The following GNA14 variants were observed in gnomAD, a reference collection of about 807,000 sequenced individuals.
GNA14 encodes the protein guanine nucleotide-binding protein subunit alpha-14.
In GNA14, 50 loss-of-function variants were observed where a neutral mutation model predicts 42.0. The ratio of observed to expected loss-of-function variants is 1.19; its 90% CI spans 0.95 to 1.51. The LOEUF (loss-of-function observed/expected upper bound fraction) is 1.51. GNA14 is among the 40% of genes most tolerant of loss of function. The probability of loss-of-function intolerance (pLI) is 0.00; values close to 1 mark genes in which losing one functional copy is unlikely to be tolerated. For missense variants in GNA14, 473 were observed against 446.2 expected, an observed-to-expected ratio of 1.06 and a Z score of -0.54; for synonymous variants, 173 against 163.1, an observed-to-expected ratio of 1.06 and a Z score of -0.46.
At chr9:77,501,979 T>C (rs1364207193) in intron 2 of GNA14, among the ~76,000 whole-genome samples, 1 of 152,186 alleles carries the variant, frequency 6.6e-6, no homozygotes, top group Non-Finnish European at 1.5e-5. Context: ...AGTGCTGGGA[T>C]TACAGGCGTG....
At chr9:77,442,371 CAA>C (rs1389149245) in intron 2 of GNA14, among the ~76,000 whole-genome samples, 1 of 151,878 alleles carries the variant, frequency 6.6e-6, no homozygotes, top group African/African-American at 2.4e-5. Context: ...GACTATGTCT[CAA>C]AAAAAGAAAG....
intron 2 of GNA14, among the ~76,000 whole-genome samples, chr9:77,505,591 T>C (rs1265065810): frequency 1.3e-5 from 2 of 152,180 alleles, no homozygotes; most frequent in South Asian, 2.1e-4. Context: ...GGTGAATGAA[T>C]GAACGAACTA....
At chr9:77,602,704 T>G (rs1823586578) in intron 1 of GNA14, among the ~76,000 whole-genome samples, 1 of 152,162 alleles carries the variant, frequency 6.6e-6, no homozygotes, top group African/African-American at 2.4e-5. Context: ...TATTAATGGT[T>G]TTGTTTTTTT....
At chr9:77,452,111 G>A (rs976800849) in intron 2 of GNA14, among the ~76,000 whole-genome samples, 4 of 152,166 alleles carry the variant, frequency 2.6e-5, no homozygotes, top group Non-Finnish European at 5.9e-5. Context: ...AGGCTGGACT[G>A]CTTGATCCAG....
At chr9:77,629,673 GAAT>G (rs1303524209) in intron 1 of GNA14, among the ~76,000 whole-genome samples, 1 of 152,190 alleles carries the variant, frequency 6.6e-6, no homozygotes, top group East Asian at 1.9e-4. Flanking sequence ...AGTGGGAACT[GAAT>G]AATGATAACA....
At chr9:77,543,822 A>G (rs1040430934) in intron 1 of GNA14, among the ~76,000 whole-genome samples, 2 of 151,844 alleles carry the variant, frequency 1.3e-5, no homozygotes. Flanking sequence ...TCTACTTGCT[A>G]TTTTGGTTCC....
At chr9:77,607,853 T>A (rs1823663818) in intron 1 of GNA14, among the ~76,000 whole-genome samples, 1 of 152,038 alleles carries the variant, frequency 6.6e-6, no homozygotes, top group Non-Finnish European at 1.5e-5. Flanking sequence ...CTCATAAGGG[T>A]GCTAATCTCA....
intron 1 of GNA14, among the ~76,000 whole-genome samples, chr9:77,607,951 G>T (rs1406166340): frequency 6.6e-6 from 1 of 152,114 alleles, no homozygotes; most frequent in African/African-American, 2.4e-5. Flanking sequence ...GAGGGTTAAG[G>T]CTTCAAAACA....
chr9:77,434,486 T>C lies in GNA14; in HGVS notation c.346A>G (p.Lys116Glu). 1 of 1,613,970 alleles carries C rather than the reference T, an allele frequency of 6.2e-7. No homozygotes were observed. The highest frequency in any genetic ancestry group is 8.5e-7 in the Non-Finnish European group (1 of 1,179,860). ...TGCTCCCTGGAGAGCATGGAGACCT[T>C]GTCCACTTCCACTTCTCTGATTATC... Reference protein sequence around the residue: ...AQIIREVEVDKVSMLSREQVE... With the variant: ...AQIIREVEVDEVSMLSREQVE... Residue 116 changes from lysine (K) to glutamate (E), a missense_variant, in exon 3 of 7, where the codon AAG becomes GAG. By Grantham distance (56) the Lys-to-Glu change is moderately conservative. Coordinates refer to ENST00000341700, the MANE Select transcript of GNA14 (RefSeq NM_004297.4).
intron 2 of GNA14, among the ~76,000 whole-genome samples, chr9:77,480,267 T>C (rs1564026978): frequency 6.6e-6 from 1 of 152,236 alleles, no homozygotes; most frequent in Non-Finnish European, 1.5e-5. Context: ...TGAAGGGTTG[T>C]TGAATTTTGT....
At chr9:77,630,413 T>A (rs1824079419) in intron 1 of GNA14, among the ~76,000 whole-genome samples, 1 of 152,166 alleles carries the variant, frequency 6.6e-6, no homozygotes, top group Non-Finnish European at 1.5e-5. Context: ...CCACCATGCC[T>A]GGCCAAGAGA....
intron 2 of GNA14, among the ~76,000 whole-genome samples, chr9:77,522,282 G>A (rs989129174): frequency 3.3e-5 from 5 of 152,184 alleles, no homozygotes; most frequent in African/African-American, 1.2e-4. Context: ...GACCTTGAGA[G>A]AATGCGCTGC....
intron 3 of GNA14, among the ~76,000 whole-genome samples, chr9:77,432,296 G>A (rs1217860743): frequency 2.0e-5 from 3 of 152,146 alleles, no homozygotes; most frequent in Admixed American, 1.3e-4. Flanking sequence ...GAGGTCACAG[G>A]CAAACCCTGT....
At chr9:77,508,729 A>G (rs879921898) in intron 2 of GNA14, among the ~76,000 whole-genome samples, 2 of 152,184 alleles carry the variant, frequency 1.3e-5, no homozygotes, top group Admixed American at 6.5e-5. Context: ...TCCTTGGAGA[A>G]ATGGCTGTGT....
intron 1 of GNA14, among the ~76,000 whole-genome samples, chr9:77,637,083 G>A (rs1056588041): frequency 6.6e-6 from 1 of 152,100 alleles, no homozygotes; most frequent in Admixed American, 6.6e-5. Flanking sequence ...TTTTTGAAAC[G>A]ATTCTTGCCA....
chr9:77,528,301 T>C (rs969191697), intron 2 of GNA14, among the ~76,000 whole-genome samples: 3 of 152,188 alleles, frequency 2.0e-5, no homozygotes, highest in African/African-American at 7.2e-5. Flanking sequence ...TTTATCATCA[T>C]GTCATGTTGT....
intron 1 of GNA14, among the ~76,000 whole-genome samples, chr9:77,569,552 T>A (rs1020337534): frequency 6.6e-6 from 1 of 152,016 alleles, no homozygotes; most frequent in Admixed American, 6.5e-5. Flanking sequence ...GGGAGACAAC[T>A]CCACAGGAGA....
intron 1 of GNA14, chr9:77,580,178 T>C (rs1278656619): frequency 8.2e-6 from 2 of 243,930 alleles, no homozygotes; most frequent in South Asian, 4.9e-5. Flanking sequence ...CCACACTGGG[T>C]TGTTGCTGCC....
chr9:77,496,637 A>G (rs1430352937), intron 2 of GNA14, among the ~76,000 whole-genome samples: 2 of 152,236 alleles, frequency 1.3e-5, no homozygotes, highest in Non-Finnish European at 2.9e-5. Context: ...ACTAATCTGT[A>G]TGGCAGGAAT....
Sources: allele counts gnomAD v4.1 joint callset (sites outside exome capture counted in the v4.1 genomes callset), GRCh38; gene constraint gnomAD v4.1.1; transcripts MANE v1.5; gene names NCBI Gene and HGNC (gene_info 2026-07-23, HGNC 2026-07-21).